AFG2A: variants seen among roughly 807,000 people sequenced by gnomAD.
The protein encoded by AFG2A is ATPase family gene 2 protein homolog A.
chr4:122,947,359 C>T, the AFG2A span: 35 of 1,613,922 alleles, frequency 2.2e-5, no homozygotes, highest in East Asian at 6.7e-5. Context: ...TGCTCAGGAC[C>T]GGCTAGATAT....
chr4:122,935,472 G>GTT, the AFG2A span, among the ~76,000 whole-genome samples: 14 of 142,516 alleles, frequency 9.8e-5, no homozygotes, highest in Non-Finnish European at 9.2e-5. Flanking sequence ...TGGGTGTCCA[G>GTT]TTTTTTTTTT....
the AFG2A span, among the ~76,000 whole-genome samples, chr4:123,067,016 T>C: frequency 6.6e-6 from 1 of 152,174 alleles, no homozygotes; most frequent in Non-Finnish European, 1.5e-5. Context: ...TTGCAGCATT[T>C]TACTAGGAAC....
the AFG2A span, among the ~76,000 whole-genome samples, chr4:123,034,065 A>G: frequency 6.6e-6 from 1 of 151,958 alleles, no homozygotes; most frequent in Non-Finnish European, 1.5e-5. Context: ...GATGCTTTGA[A>G]CAACACATTT....
chr4:123,215,927 C>G, the AFG2A span, among the ~76,000 whole-genome samples: 1 of 152,112 alleles, frequency 6.6e-6, no homozygotes, highest in South Asian at 2.1e-4. Context: ...TTACTTCACT[C>G]TTGAACTACA....
chr4:122,980,675 G>A, the AFG2A span, among the ~76,000 whole-genome samples: 48 of 151,830 alleles, frequency 3.2e-4, no homozygotes, highest in African/African-American at 1.1e-3. Flanking sequence ...CATCTTTTTG[G>A]TAATGGCCTT....
the AFG2A span, among the ~76,000 whole-genome samples, chr4:123,105,561 A>C: frequency 6.6e-6 from 1 of 152,192 alleles, no homozygotes; most frequent in Non-Finnish European, 1.5e-5. Flanking sequence ...GAAAGGAGTC[A>C]CCATTCTAGA....
At chr4:122,929,712 G>A in the AFG2A span, among the ~76,000 whole-genome samples, 1 of 140,840 alleles carries the variant, frequency 7.1e-6, no homozygotes, top group Non-Finnish European at 1.6e-5. Context: ...GAAAAAAAAA[G>A]TTACCAATAA....
the AFG2A span, among the ~76,000 whole-genome samples, chr4:123,025,593 T>C: frequency 3.4e-3 from 516 of 152,332 alleles, 3 homozygotes; most frequent in Middle Eastern, 0.014. Context: ...TATGGGTTTT[T>C]TTGTTATCTT....
At chr4:123,149,623 T>A in the AFG2A span, among the ~76,000 whole-genome samples, 1 of 152,136 alleles carries the variant, frequency 6.6e-6, no homozygotes, top group Admixed American at 6.5e-5. Context: ...AACTTAATGA[T>A]CTTAAAAAAT....
the AFG2A span, among the ~76,000 whole-genome samples, chr4:123,296,921 G>T: frequency 6.6e-6 from 1 of 152,148 alleles, no homozygotes; most frequent in South Asian, 2.1e-4. Flanking sequence ...TAGCTACTCA[G>T]AATTATAGCA....
chr4:123,145,352 T>G, the AFG2A span, among the ~76,000 whole-genome samples: 1 of 84,180 alleles, frequency 1.2e-5, no homozygotes, highest in African/African-American at 2.6e-5. Flanking sequence ...AGCCTTAAAG[T>G]TGGCTTCAGT....
the AFG2A span, among the ~76,000 whole-genome samples, chr4:123,044,061 C>T: frequency 6.6e-6 from 1 of 152,132 alleles, no homozygotes; most frequent in Non-Finnish European, 1.5e-5. Context: ...ATCTGTAGAG[C>T]TGTGTTTCAT....
At chr4:123,124,437 A>G in the AFG2A span, among the ~76,000 whole-genome samples, 3 of 152,192 alleles carry the variant, frequency 2.0e-5, no homozygotes, top group African/African-American at 7.2e-5. Context: ...GAATTGAACA[A>G]TGAGAACACT....
the AFG2A span, among the ~76,000 whole-genome samples, chr4:122,939,075 CTT>C: frequency 8.8e-5 from 9 of 102,222 alleles, no homozygotes; most frequent in South Asian, 7.4e-4. Context: ...TATGTTCTTT[CTT>C]TTTTTTTTTT....
At chr4:123,014,724 C>G in the AFG2A span, among the ~76,000 whole-genome samples, 1 of 151,434 alleles carries the variant, frequency 6.6e-6, no homozygotes, top group African/African-American at 2.4e-5. Context: ...TTTCAGATAC[C>G]TATATTTTTT....
At chr4:122,933,650 G>A in the AFG2A span, among the ~76,000 whole-genome samples, 1 of 152,180 alleles carries the variant, frequency 6.6e-6, no homozygotes, top group Non-Finnish European at 1.5e-5. Context: ...TTTAAGATAG[G>A]GATGTGCTAC....
chr4:123,294,571 G>T, the AFG2A span, among the ~76,000 whole-genome samples: 2 of 152,152 alleles, frequency 1.3e-5, no homozygotes, highest in Non-Finnish European at 2.9e-5. Context: ...AGAAAAAGGG[G>T]CATATTTCCA....
chr4:122,995,803 A>G, the AFG2A span, among the ~76,000 whole-genome samples: 1 of 152,208 alleles, frequency 6.6e-6, no homozygotes, highest in Non-Finnish European at 1.5e-5. Flanking sequence ...ATATTTGATC[A>G]GTGCTCTTTA....
the AFG2A span, among the ~76,000 whole-genome samples, chr4:123,152,823 C>T: frequency 1.4e-4 from 22 of 152,176 alleles, no homozygotes; most frequent in Non-Finnish European, 1.5e-5. Context: ...GAGCTTTATT[C>T]ATAATTGCCA....
Sources: gnomAD v4.1 joint callset for allele counts (sites outside exome capture counted in the v4.1 genomes callset) on GRCh38, gnomAD v4.1.1 for gene constraint, MANE v1.5 for transcripts, NCBI Gene and HGNC (gene_info 2026-07-23, HGNC 2026-07-21) for gene names.